GSE1: variants seen among roughly 807,000 people sequenced by gnomAD.
GSE1 encodes the protein Gse1 coiled-coil protein, also known as genetic suppressor element 1.
GSE1 carries 32 observed loss-of-function variants against 112.6 expected under a neutral mutation model. The ratio of observed to expected loss-of-function variants is 0.28; its 90% CI spans 0.21 to 0.38. GSE1 has a LOEUF of 0.38. GSE1 is among the 10% of genes least tolerant of loss of function. The pLI is 1.00. For missense variants in GSE1, 2,348 were observed against 1,699.2 expected, an observed-to-expected ratio of 1.38 and a Z score of -6.71; for synonymous variants, 1,115 against 735.6, an observed-to-expected ratio of 1.52 and a Z score of -8.35.
rs929157515 is a variant in GSE1, at chr16:85,629,825, G to A, written c.8-4089G>A. Among the ~76,000 whole-genome samples the A allele has an allele frequency of 4.6e-5, 7 of 152,178 alleles. 1 individual carries two copies. The highest frequency in any genetic ancestry group is 3.8e-4 in the East Asian group (2 of 5,206). ...TGGCTTTCTGATGGATTGAGGGGGC[G>A]GCCTGGATTAATAGAGGGTGTGGTG... is the stretch of plus-strand genomic sequence containing the variant. On this transcript the variant is annotated intron_variant, in intron 1 of 15. Transcript: ENST00000253458.
At position 85,666,241 on chromosome 16, in the gene GSE1, C is replaced by G. The variant is rs758326408; in HGVS notation, c.3024C>G (p.Thr1008=). ...TTCCTGTGCCGCTGTCCCACAGCAC[C>G]AATGGGAAGAGCAAGCCGTGGGAGC... ...KDIPVPLSHS[T]NGKSKPWEPF... The change falls in exon 13 of 16, where the codon ACC becomes ACG. Residue 1008 remains threonine, a synonymous_variant. Coordinates refer to ENST00000253458, the MANE Select transcript of GSE1 (RefSeq NM_014615.5). 9.9e-6 allele frequency: 16 copies of G among 1,613,708 alleles called. No homozygotes were observed. In the Admixed American group the frequency reaches 1.5e-4, roughly 15 times the overall value.
At chr16:85,325,244 T>C (rs2046201658) in intron 1 of GSE1, among the ~76,000 whole-genome samples, 1 of 152,034 alleles carries the variant, frequency 6.6e-6, no homozygotes, top group Non-Finnish European at 1.5e-5. Flanking sequence ...ACTTGGATTA[T>C]AGGCATGAAC....
chr16:85,360,435 C>T (rs1344792750), intron 2 of GSE1, among the ~76,000 whole-genome samples: 2 of 152,202 alleles, frequency 1.3e-5, no homozygotes, highest in Non-Finnish European at 2.9e-5. Context: ...TGTCAGGCTG[C>T]AGCCAAGTCC....
rs1455000428 is a variant in GSE1 at position 85,324,496 on chromosome 16, C to T, written c.2284-32967C>T. Among the ~76,000 whole-genome samples the T allele has an allele frequency of 1.6e-4, 23 of 141,578 alleles. No homozygotes were observed. In the East Asian group the frequency reaches 4.0e-3, roughly 25 times the overall value. The allele number at this position is 141,578 out of a possible 152,430, so 92.9% of individuals were successfully genotyped here. On this transcript the variant is annotated intron_variant, in intron 1 of 2. Coordinates refer to the GSE1 transcript ENST00000637419. ...CTGCACTCCAGCCTGGGTGACAGAGCGAGACTCCCTCTCAAAAAAAAAAAA... is the reference window on the plus strand; with the variant it reads ...CTGCACTCCAGCCTGGGTGACAGAGTGAGACTCCCTCTCAAAAAAAAAAAA...
At chr16:85,671,561 C>T (rs539373581) in intron 15 of GSE1, among the ~76,000 whole-genome samples, 3 of 152,234 alleles carry the variant, frequency 2.0e-5, no homozygotes, top group Admixed American at 1.3e-4. Flanking sequence ...CTGCAGTGAG[C>T]TCTGACCACA....
chr16:85,251,236 G>C (rs1446373565), intron 1 of GSE1, among the ~76,000 whole-genome samples: 3 of 152,232 alleles, frequency 2.0e-5, no homozygotes, highest in Non-Finnish European at 4.4e-5. Context: ...CCAGCTCTCA[G>C]AGGCCTTGCC....
chr16:85,206,230 G>C (rs2075113722), intron 1 of GSE1, among the ~76,000 whole-genome samples: 1 of 152,116 alleles, frequency 6.6e-6, no homozygotes, highest in African/African-American at 2.4e-5. Context: ...GGTGTGGTGG[G>C]AAGACCTGTG....
At chr16:85,388,394 G>A (rs1368723262) in intron 2 of GSE1, among the ~76,000 whole-genome samples, 1 of 138,448 alleles carries the variant, frequency 7.2e-6, no homozygotes, top group African/African-American at 2.8e-5. Flanking sequence ...ATGGATGGAT[G>A]GATGGATGGA....
rs1555563151 is a variant in GSE1, at chr16:85,652,565, G to GCTC, written c.427-1708_427-1706dup. On this transcript the variant is annotated intron_variant, in intron 3 of 15. Coordinates refer to ENST00000253458, the MANE Select transcript of GSE1 (RefSeq NM_014615.5). The stretch of plus-strand genomic sequence containing the variant: ...ATTCCAGGCGGCGGCGGCGGCGGCG[G>GCTC]CTCCTCCAGTTAATCCTCGCTGACT... 4.0e-3 allele frequency among the ~76,000 whole-genome samples: 602 copies of GCTC among 151,864 alleles called. 3 individuals carry two copies. The highest frequency in any genetic ancestry group is 0.014 in the African/African-American group (576 of 41,130).
At chr16:85,442,031 T>C (rs2049388150) in intron 2 of GSE1, among the ~76,000 whole-genome samples, 1 of 152,260 alleles carries the variant, frequency 6.6e-6, no homozygotes, top group South Asian at 2.1e-4. Context: ...GGGCCCCTGC[T>C]GCAGCCACAC....
At chr16:85,557,340 C>T (rs2045282642) in intron 1 of GSE1, among the ~76,000 whole-genome samples, 1 of 152,062 alleles carries the variant, frequency 6.6e-6, no homozygotes, top group East Asian at 1.9e-4. Context: ...GATTTTATTC[C>T]TCCCTCCCTC....
In GSE1 at chr16:85,661,425, G is replaced by A. The variant is rs765041884; in HGVS notation, c.1920G>A (p.Lys640=). The A allele has an allele frequency of 6.2e-7, 1 of 1,612,142 alleles. No homozygotes were observed. The highest frequency in any genetic ancestry group is 1.1e-5 in the South Asian group (1 of 91,052). Residue 640 remains lysine, a synonymous_variant, in exon 9 of 16, where the codon AAG becomes AAA. Transcript: ENST00000253458. ...AGAAAGCAGAGGAGGGGCCACGGAA[G>A]CGTGAGCCTGCCCCTCTGGACAAGT... is the stretch of plus-strand genomic sequence containing the variant. ...CPEKAEEGPR[K]REPAPLDKYQ... is the part of the protein sequence containing the mutation.
intron 2 of GSE1, among the ~76,000 whole-genome samples, chr16:85,364,291 C>A (rs1355116924): frequency 6.6e-6 from 1 of 152,208 alleles, no homozygotes; most frequent in East Asian, 1.9e-4. Context: ...TTCTCCTGCC[C>A]CCCTCTCCTA....
chr16:85,634,549 A>G (rs2049825781), intron 2 of GSE1, among the ~76,000 whole-genome samples: 1 of 152,196 alleles, frequency 6.6e-6, no homozygotes, highest in East Asian at 1.9e-4. Flanking sequence ...CAGAAGTGGC[A>G]GAGAACATGG....
chr16:85,461,245 G>T (rs2049959039), intron 2 of GSE1, among the ~76,000 whole-genome samples: 1 of 152,226 alleles, frequency 6.6e-6, no homozygotes, highest in East Asian at 1.9e-4. Context: ...GGAGGGTGTT[G>T]AGAAGCATCC....
intron 1 of GSE1, among the ~76,000 whole-genome samples, chr16:85,180,853 C>G (rs954999513): frequency 6.6e-6 from 1 of 152,154 alleles, no homozygotes; most frequent in Non-Finnish European, 1.5e-5. Flanking sequence ...AACGAAGTGG[C>G]GAATGTAGAA....
intron 1 of GSE1, among the ~76,000 whole-genome samples, chr16:85,585,876 C>T (rs1381842798): frequency 8.5e-5 from 13 of 152,154 alleles, no homozygotes; most frequent in African/African-American, 2.7e-4. Flanking sequence ...GCCAGCCTGC[C>T]TAGGGTCACT....
Position 85,614,043 on chromosome 16 carries a change from T to A in GSE1, c.7+645T>A, listed in dbSNP as rs540494795. Among the ~76,000 whole-genome samples, 57 of 149,612 alleles carry A rather than the reference T, an allele frequency of 3.8e-4. 1 individual carries two copies. The South Asian group carries it at 0.01, about 27-fold the overall frequency. ...CGCGCCCCGGGCTCGGCCGCTTCTC[T>A]CCTCTCTCTCCCCCCACCCCCGGCG... On this transcript the variant is annotated intron_variant, in intron 1 of 15. Transcript: ENST00000253458.
intron 1 of GSE1, among the ~76,000 whole-genome samples, chr16:85,188,808 A>T (rs1206702612): frequency 2.6e-5 from 2 of 75,846 alleles, no homozygotes; most frequent in South Asian, 5.9e-4. Context: ...CTCTATCTTA[A>T]AAAAAAAAAA....
Sources: allele counts gnomAD v4.1 joint callset (sites outside exome capture counted in the v4.1 genomes callset), GRCh38; gene constraint gnomAD v4.1.1; transcripts MANE v1.5; gene names NCBI Gene and HGNC (gene_info 2026-07-23, HGNC 2026-07-21).